Variants in RHOJ observed in about 807,000 individuals in gnomAD.
The protein encoded by RHOJ is rho-related GTP-binding protein RhoJ.
A neutral mutation model predicts 23.4 loss-of-function variants in RHOJ; 11 were observed. The observed-to-expected ratio is 0.47, with a 90% CI of 0.30 to 0.78. RHOJ has a LOEUF of 0.78. Among genes scored for constraint, RHOJ ranks in the 30% least tolerant of loss-of-function variants. The probability of loss-of-function intolerance (pLI) is 0.08; values close to 1 mark genes in which losing one functional copy is unlikely to be tolerated. For synonymous variants in RHOJ, 102 were observed against 102.7 expected, an observed-to-expected ratio of 0.99 and a Z score of 0.04; for missense variants, 254 against 273.4, an observed-to-expected ratio of 0.93 and a Z score of 0.50.
At chr14:63,280,842 G>C in intron 2 of RHOJ, 129 bp from the exon 3 acceptor site, 1 of 787,630 alleles carries the variant, frequency 1.3e-6, no homozygotes, top group Non-Finnish European at 1.9e-6. Context: ...AGAACTACCA[G>C]ATTCCAGGGT....
intron 1 of RHOJ, among the ~76,000 whole-genome samples, chr14:63,257,925 C>T (rs912802149): frequency 3.3e-5 from 5 of 149,600 alleles, no homozygotes; most frequent in Non-Finnish European, 7.4e-5. Context: ...GCCTCTAACC[C>T]ATTAGTGACT....
chr14:63,290,777 T>C, intron 4 of RHOJ, 101 bp from the exon 5 acceptor site: 1 of 1,196,348 alleles, frequency 8.4e-7, no homozygotes, highest in Non-Finnish European at 1.2e-6. Flanking sequence ...AGGCTGTTTG[T>C]AGGACAGGCA....
At chr14:63,216,079 T>C (rs1324370939) in intron 1 of RHOJ, among the ~76,000 whole-genome samples, 1 of 152,202 alleles carries the variant, frequency 6.6e-6, no homozygotes, top group Non-Finnish European at 1.5e-5. Context: ...ATAGATTATA[T>C]TGACCTTATT....
rs562363457 is a variant in RHOJ at position 63,245,878 on chromosome 14, G to C, written c.179-23232G>C. On this transcript the variant is annotated intron_variant, in intron 1 of 4. Transcript: ENST00000316754. ...AGTCATCAGAAGAAGGGGGTGATTA[G>C]AGCCCAAGCTTTGAATTCACACAGA... 5.3e-4 allele frequency among the ~76,000 whole-genome samples: 81 copies of C among 152,328 alleles called. No individual in the cohort carries two copies. The South Asian group carries it at 0.014, about 26-fold the overall frequency.
In RHOJ at chr14:63,214,522, A is replaced by G. The variant is rs905089657; in HGVS notation, c.178+9475A>G. 1.8e-4 allele frequency among the ~76,000 whole-genome samples: 28 copies of G among 152,226 alleles called. 1 individual carries two copies. ...GAGTTTCCAGCAGATCGTATCAAAC[A>G]GAAAAGGCCTTTAGTGCCTCTTGGA... On this transcript the variant is annotated intron_variant, in intron 1 of 4. Coordinates refer to ENST00000316754, the MANE Select transcript of RHOJ (RefSeq NM_020663.5).
intron 1 of RHOJ, among the ~76,000 whole-genome samples, chr14:63,221,597 T>G (rs1451355464): frequency 6.6e-6 from 1 of 152,238 alleles, no homozygotes; most frequent in Non-Finnish European, 1.5e-5. Flanking sequence ...GAGAACTGTG[T>G]TACGCATCTC....
chr14:63,244,552 T>C (rs1047442934), intron 1 of RHOJ, among the ~76,000 whole-genome samples: 1 of 152,200 alleles, frequency 6.6e-6, no homozygotes, highest in African/African-American at 2.4e-5. Context: ...CACTCTAGCC[T>C]GGGCAACAAG....
intron 1 of RHOJ, among the ~76,000 whole-genome samples, chr14:63,245,055 C>T (rs1306008473): frequency 1.3e-5 from 2 of 152,208 alleles, no homozygotes; most frequent in African/African-American, 2.4e-5. Context: ...CTGCATATCA[C>T]TGTCTTTAAC....
chr14:63,278,910 C>T (rs553262347), intron 2 of RHOJ, among the ~76,000 whole-genome samples: 17 of 152,232 alleles, frequency 1.1e-4, no homozygotes, highest in South Asian at 2.1e-4. Flanking sequence ...CGCTTGAGCC[C>T]GGCAGTCTGA....
chr14:63,214,015 C>T (rs540252805), intron 1 of RHOJ, among the ~76,000 whole-genome samples: 6 of 152,288 alleles, frequency 3.9e-5, no homozygotes, highest in African/African-American at 1.2e-4. Context: ...TAGTCATCTT[C>T]ACCACAGTCA....
chr14:63,282,858 T>C (rs1881953566), intron 3 of RHOJ, among the ~76,000 whole-genome samples: 1 of 152,042 alleles, frequency 6.6e-6, no homozygotes, highest in Admixed American at 6.6e-5. Flanking sequence ...ACATCTGAGA[T>C]AGCAACAGAA....
At chr14:63,277,346 A>C (rs1282153081) in intron 2 of RHOJ, among the ~76,000 whole-genome samples, 1 of 152,166 alleles carries the variant, frequency 6.6e-6, no homozygotes, top group Non-Finnish European at 1.5e-5. Flanking sequence ...ATCCTCCATT[A>C]ATGTTGGAGA....
At chr14:63,255,364 C>T (rs912295993) in intron 1 of RHOJ, among the ~76,000 whole-genome samples, 7 of 152,182 alleles carry the variant, frequency 4.6e-5, no homozygotes, top group Non-Finnish European at 7.3e-5. Flanking sequence ...TCCCTTTATA[C>T]GTAACTGTCA....
chr14:63,254,096 A>C (rs191356134), intron 1 of RHOJ, among the ~76,000 whole-genome samples: 2 of 152,190 alleles, frequency 1.3e-5, no homozygotes, highest in African/African-American at 4.8e-5. Context: ...GAAATTGACA[A>C]CTGCAATGGC....
chr14:63,256,154 C>A (rs2139645114), intron 1 of RHOJ, among the ~76,000 whole-genome samples: 1 of 152,086 alleles, frequency 6.6e-6, no homozygotes, highest in East Asian at 1.9e-4. Context: ...CCTTCTGAAG[C>A]ACCAGGATTA....
intron 2 of RHOJ, among the ~76,000 whole-genome samples, chr14:63,277,695 G>T (rs955412133): frequency 6.6e-6 from 1 of 152,092 alleles, no homozygotes; most frequent in African/African-American, 2.4e-5. Flanking sequence ...AATCAACATG[G>T]TCCCTACTCC....
chr14:63,291,200 G>A lies in RHOJ; in HGVS notation c.*176G>A, dbSNP rs932345108. The A allele has an allele frequency of 9.9e-6, 7 of 707,138 alleles. No homozygotes were observed. The highest frequency in any genetic ancestry group is 6.3e-5 in the Admixed American group (3 of 47,914). The allele number at this position is 707,138 out of a possible 1,614,324, so 43.8% of individuals were successfully genotyped here. A position where few individuals can be genotyped will look rare whatever the true frequency, so the allele number is the denominator to read the frequency against. ...AGCACACTAGTCAGCCCACTGCCAC[G>A]ACCTCCCTGCCAGCCAGAAGCATCC... On this transcript the variant is annotated 3_prime_UTR_variant, in exon 5 of 5. Coordinates refer to ENST00000316754, the MANE Select transcript of RHOJ (RefSeq NM_020663.5).
At chr14:63,247,346 G>A (rs1476140576) in intron 1 of RHOJ, among the ~76,000 whole-genome samples, 1 of 152,050 alleles carries the variant, frequency 6.6e-6, no homozygotes, top group Non-Finnish European at 1.5e-5. Flanking sequence ...AGCTTTCAAA[G>A]CATGGAATTT....
intron 1 of RHOJ, among the ~76,000 whole-genome samples, chr14:63,233,396 A>C (rs1247716295): frequency 6.6e-6 from 1 of 152,194 alleles, no homozygotes; most frequent in African/African-American, 2.4e-5. Context: ...ACCGAAAACT[A>C]TTGAATTGCA....
Sources: allele counts gnomAD v4.1 joint callset (sites outside exome capture counted in the v4.1 genomes callset), GRCh38; gene constraint gnomAD v4.1.1; transcripts MANE v1.5; gene names NCBI Gene and HGNC (gene_info 2026-07-23, HGNC 2026-07-21).